RYR3: variants seen among roughly 807,000 people sequenced by gnomAD.
The protein encoded by RYR3 is ryanodine receptor 3.
Under a neutral mutation model 584.3 loss-of-function variants are expected in RYR3, and 207 were observed. The ratio of observed to expected loss-of-function variants is 0.35; its 90% CI spans 0.32 to 0.40. The LOEUF (loss-of-function observed/expected upper bound fraction) is 0.40, where lower values mean the gene tolerates loss of function less well. Among genes scored for constraint, RYR3 ranks in the 10% least tolerant of loss-of-function variants. The pLI is 1.00. For missense variants in RYR3, 5,616 were observed against 6,089.2 expected (o/e 0.92, Z 2.59); for synonymous variants, 2,416 against 2,248.5 (o/e 1.07, Z -2.11).
At chr15:33,749,484 T>C (rs1371075444) in intron 55 of RYR3, among the ~76,000 whole-genome samples, 1 of 152,230 alleles carries the variant, frequency 6.6e-6, no homozygotes, top group East Asian at 1.9e-4. Context: ...TCCTTCATTC[T>C]AAGTCACTGT....
chr15:33,383,221 T>C (rs1259171489), intron 1 of RYR3, among the ~76,000 whole-genome samples: 4 of 149,384 alleles, frequency 2.7e-5, no homozygotes, highest in Admixed American at 2.0e-4. Flanking sequence ...ATGTCAGAGC[T>C]CCAGGATATG....
chr15:33,422,222 C>T (rs967188379), intron 1 of RYR3, among the ~76,000 whole-genome samples: 5 of 152,058 alleles, frequency 3.3e-5, no homozygotes, highest in African/African-American at 1.2e-4. Flanking sequence ...TATTACTTGA[C>T]ACCTGGTATT....
chr15:33,680,130 T>C (rs1347273344), intron 38 of RYR3, among the ~76,000 whole-genome samples: 1 of 152,188 alleles, frequency 6.6e-6, no homozygotes, highest in Non-Finnish European at 1.5e-5. Flanking sequence ...AGAATAATAG[T>C]AGCTCCTATC....
intron 1 of RYR3, among the ~76,000 whole-genome samples, chr15:33,426,008 G>A (rs2044630545): frequency 2.0e-5 from 3 of 152,064 alleles, no homozygotes; most frequent in Admixed American, 6.5e-5. Context: ...TTGTAATTGA[G>A]CTCCCTGACC....
At chr15:33,495,716 T>A (rs2051358460) in intron 2 of RYR3, among the ~76,000 whole-genome samples, 1 of 152,186 alleles carries the variant, frequency 6.6e-6, no homozygotes, top group African/African-American at 2.4e-5. Flanking sequence ...AGCATCAGAT[T>A]TAAACATTCA....
intron 65 of RYR3, among the ~76,000 whole-genome samples, chr15:33,783,688 T>C (rs1311114811): frequency 1.2e-4 from 19 of 152,238 alleles, no homozygotes; most frequent in Admixed American, 1.2e-3. Flanking sequence ...GGCAGTGGCA[T>C]TGTTCTGTGT....
chr15:33,368,250 A>C (rs1213737856), intron 1 of RYR3, among the ~76,000 whole-genome samples: 1 of 151,874 alleles, frequency 6.6e-6, no homozygotes, highest in Non-Finnish European at 1.5e-5. Context: ...ACTCATCCAA[A>C]TATATAACAT....
intron 1 of RYR3, among the ~76,000 whole-genome samples, chr15:33,336,061 CA>C (rs35446405): frequency 1.6e-4 from 25 of 151,996 alleles, no homozygotes; most frequent in Admixed American, 1.3e-4. Flanking sequence ...CTGGGTCCTC[CA>C]AAAAGTAGAA....
Position 33,663,525 on chromosome 15 carries a change from C to T in RYR3, c.5419-12C>T. ...TACACAAAGTGTTATCTATATAATA[C>T]TTTCATTGCAGATGTGTGAGCTCCT... On this transcript the variant is annotated splice_polypyrimidine_tract_variant and intron_variant, in intron 35 of 103. Coordinates refer to ENST00000634891, the MANE Select transcript of RYR3 (RefSeq NM_001036.6). 1.2e-6 allele frequency: 2 copies of T among 1,611,606 alleles called. No individual in the cohort carries two copies. Among genetic ancestry groups the T allele is most frequent in the Admixed American group, 1.7e-5 (1 of 59,890 alleles).
rs371535550 is a variant in RYR3 at position 33,732,874 on chromosome 15, C to G, written c.7424+1180C>G. Among the ~76,000 whole-genome samples, 88 of 152,296 alleles carry G rather than the reference C, an allele frequency of 5.8e-4. 2 individuals carry two copies. The South Asian group carries it at 0.018, about 31-fold the overall frequency. ...AGAGAGAGGATCAACAGCCTTCCCC[C>G]TTTAGGGGCCAGCTGAGTATGGTCT... is the stretch of plus-strand genomic sequence containing the variant. On this transcript the variant is annotated intron_variant, in intron 48 of 103. Transcript: ENST00000634891.
intron 1 of RYR3, among the ~76,000 whole-genome samples, chr15:33,457,277 GT>G (rs1441697371): frequency 2.0e-5 from 3 of 151,802 alleles, no homozygotes; most frequent in African/African-American, 7.2e-5. Context: ...CTTGAAATCG[GT>G]ATGTCAAAGA....
At chr15:33,543,578 A>AGCCG in intron 7 of RYR3, 44 bp from the exon 8 acceptor site, 4 of 1,266,098 alleles carry the variant, frequency 3.2e-6, no homozygotes, top group Non-Finnish European at 4.6e-6. Context: ...CATTCTCTTC[A>AGCCG]TTAAACTTCC....
intron 2 of RYR3, among the ~76,000 whole-genome samples, chr15:33,495,887 A>G (rs1405074721): frequency 6.6e-6 from 1 of 152,238 alleles, no homozygotes; most frequent in African/African-American, 2.4e-5. Context: ...CTACAATGCA[A>G]ATAATTATGT....
chr15:33,758,981 G>A (rs915407070), intron 60 of RYR3, among the ~76,000 whole-genome samples: 5 of 152,192 alleles, frequency 3.3e-5, no homozygotes, highest in African/African-American at 7.2e-5. Flanking sequence ...TGCAGCCTCC[G>A]CTGGTGATAC....
At chr15:33,618,620 C>T (rs912456025) in intron 19 of RYR3, among the ~76,000 whole-genome samples, 3 of 152,232 alleles carry the variant, frequency 2.0e-5, no homozygotes, top group Admixed American at 1.3e-4. Flanking sequence ...AAAGCTGGCT[C>T]ATTCTTTCTC....
rs117380092 is a variant in RYR3 at position 33,799,724 on chromosome 15, A to G, written c.9831-1046A>G. 9.5e-3 allele frequency among the ~76,000 whole-genome samples: 1,445 copies of G among 152,274 alleles called. 6 individuals are homozygous for G. The highest frequency in any genetic ancestry group is 0.015 in the South Asian group (70 of 4,822). On this transcript the variant is annotated intron_variant, in intron 67 of 103. Transcript: ENST00000634891. ...CAGTTGGTCAGAAGTACAGGTCACA[A>G]CCTGGGACTTGAGACCGGCATCTGA...
Position 33,842,078 on chromosome 15 carries a change from G to C in RYR3, c.13209+43G>C, listed in dbSNP as rs780978790. ...GGCCCTGTTCATGGTGCAGGGATTGGCCCAGGCAGATGGCAGAGAGGTGCC... is the reference window on the plus strand; with the variant it reads ...GGCCCTGTTCATGGTGCAGGGATTGCCCCAGGCAGATGGCAGAGAGGTGCC... On this transcript the variant is annotated intron_variant, in intron 91 of 103. Coordinates refer to ENST00000634891, the MANE Select transcript of RYR3 (RefSeq NM_001036.6). The C allele has an allele frequency of 1.9e-6, 3 of 1,566,112 alleles. No individual in the cohort carries two copies. The South Asian group carries it at 3.5e-5, about 18-fold the overall frequency.
At chr15:33,584,782 C>A (rs2058762097) in intron 15 of RYR3, among the ~76,000 whole-genome samples, 1 of 151,634 alleles carries the variant, frequency 6.6e-6, no homozygotes, top group Non-Finnish European at 1.5e-5. Context: ...CCCCCCACCC[C>A]CACCTCACCC....
At position 33,662,828 on chromosome 15, in the gene RYR3, A is replaced by T. The variant is rs1280659093; in HGVS notation, c.5298A>T (p.Ala1766=). 6.2e-7 allele frequency: 1 copy of T among 1,613,820 alleles called. No individual in the cohort carries two copies. The highest frequency in any genetic ancestry group is 1.3e-5 in the African/African-American group (1 of 74,902). The change falls in exon 35 of 104, where the codon GCA becomes GCT. Residue 1766 remains alanine (A), a synonymous_variant. Coordinates refer to ENST00000634891, the MANE Select transcript of RYR3 (RefSeq NM_001036.6). ...GEHSAGTEEG[A]EKEEVTQVEE... ...ATAGTGCGGGGACAGAGGAGGGAGC[A>T]GAAAAGGAGGAAGTGACCCAGGTGG...
Sources: gnomAD v4.1 joint callset for allele counts (sites outside exome capture counted in the v4.1 genomes callset) on GRCh38, gnomAD v4.1.1 for gene constraint, MANE v1.5 for transcripts, NCBI Gene and HGNC (gene_info 2026-07-23, HGNC 2026-07-21) for gene names.